TSPAN10: variants seen among roughly 807,000 people sequenced by gnomAD.
TSPAN10 encodes the protein tetraspanin 10, also known as tetraspanin-10.
TSPAN10 carries 11 observed loss-of-function variants against 15.0 expected under a neutral mutation model. The ratio of observed to expected loss-of-function variants is 0.73; its 90% CI spans 0.46 to 1.21. TSPAN10 has a LOEUF of 1.21. Ranked by LOEUF, TSPAN10 falls within the 50% of genes most tolerant of loss-of-function variation. The probability of loss-of-function intolerance (pLI) is 0.00; values close to 1 mark genes in which losing one functional copy is unlikely to be tolerated. For synonymous variants in TSPAN10, 241 were observed against 226.2 expected (o/e 1.07, Z -0.59); for missense variants, 486 against 470.6 (o/e 1.03, Z -0.30).
intron 1 of TSPAN10, 123 bp from the exon 3 acceptor site, chr17:81,644,869 C>T: frequency 1.4e-6 from 2 of 1,390,698 alleles, no homozygotes; most frequent in Non-Finnish European, 9.7e-7. Flanking sequence ...CAGTGCTGCC[C>T]TCCGCCATCC....
chr17:81,645,800 T>C, intron 2 of TSPAN10, 171 bp downstream of exon 3: 1 of 854,338 alleles, frequency 1.2e-6, no homozygotes, highest in Non-Finnish European at 1.9e-6. Context: ...CGTCTCGTGC[T>C]CACAGGTTTC....
intron 2 of TSPAN10, chr17:81,647,459 A>G (rs1451788104): frequency 2.2e-6 from 1 of 463,570 alleles, no homozygotes. Flanking sequence ...ACTGCCAGGT[A>G]CTGCCTCTCA....
At chr17:81,643,002 TA>T (rs1441824507) in intron 1 of TSPAN10, among the ~76,000 whole-genome samples, 1 of 37,246 alleles carries the variant, frequency 2.7e-5, no homozygotes, top group African/African-American at 3.1e-4. Context: ...ATATTATATA[TA>T]TATATATATA....
chr17:81,638,730 G>C (rs1243642255), upstream of TSPAN10: 1 of 152,176 alleles, frequency 6.6e-6, no homozygotes, highest in East Asian at 1.9e-4. Context: ...TCCTGGGTGG[G>C]GGCCACAAGA....
At position 81,642,569 on chromosome 17, in the gene TSPAN10, A is replaced by C. The variant is rs1044940952; in HGVS notation, c.36+121A>C. On this transcript the variant is annotated intron_variant, in intron 1 of 2. Transcript: ENST00000611590. ...GCCCCTGGTGCCACCCCACACCTCA[A>C]TGCTGAGATTGGGTTGAGGGGGGTG... The C allele has an allele frequency of 4.0e-6, 4 of 1,006,002 alleles. No individual in the cohort carries two copies. In the East Asian group the frequency reaches 9.8e-5, roughly 25 times the overall value. 62.3% of individuals were successfully genotyped at this position (1,006,002 alleles called of 1,614,324 possible). A position where few individuals can be genotyped will look rare whatever the true frequency, so the allele number is the denominator to read the frequency against.
downstream of TSPAN10, chr17:81,648,342 C>T: frequency 1.7e-6 from 2 of 1,196,000 alleles, no homozygotes; most frequent in African/African-American, 1.6e-5. Flanking sequence ...ATACAGGGGG[C>T]GCCTCCGCCC....
At chr17:81,641,338 C>T (rs993703375), upstream of TSPAN10, among the ~76,000 whole-genome samples, 4 of 152,016 alleles carry the variant, frequency 2.6e-5, no homozygotes, top group African/African-American at 7.2e-5. Context: ...AGCTCTGGTC[C>T]TCGCCCCGAC....
At chr17:81,637,533 T>G, upstream of TSPAN10, 1 of 611,068 alleles carries the variant, frequency 1.6e-6, no homozygotes, top group Non-Finnish European at 3.0e-6. Flanking sequence ...GCGCGGTGGC[T>G]CATACCTGTA....
At chr17:81,639,364 C>T (rs867352604), upstream of TSPAN10, among the ~76,000 whole-genome samples, 19 of 151,814 alleles carry the variant, frequency 1.3e-4, no homozygotes, top group Middle Eastern at 6.8e-3. Context: ...TGCGCTACCA[C>T]GCCCGGCTAA....
upstream of TSPAN10, among the ~76,000 whole-genome samples, chr17:81,641,205 TG>T (rs1172257280): frequency 6.6e-6 from 1 of 151,632 alleles, no homozygotes; most frequent in Non-Finnish European, 1.5e-5. Context: ...CAGACTGAGT[TG>T]GAGGCCGTGG....
upstream of TSPAN10, chr17:81,638,293 TG>T (rs1241875201): frequency 1.3e-5 from 2 of 150,112 alleles, no homozygotes; most frequent in Admixed American, 6.6e-5. Flanking sequence ...CAGAGTTTTT[TG>T]TTTTTTGTTT....
At chr17:81,642,374 C>T (rs771337272), upstream of TSPAN10, 82 of 1,613,084 alleles carry the variant, frequency 5.1e-5, no homozygotes, top group Non-Finnish European at 6.4e-5. Flanking sequence ...GAACCTCTCC[C>T]GGCGCCTGTG....
intron 2 of TSPAN10, chr17:81,647,621 T>A (rs2036272105): frequency 1.5e-6 from 1 of 654,792 alleles, no homozygotes; most frequent in Non-Finnish European, 2.8e-6. Context: ...CTGTTCCCCC[T>A]TCAACCGTCT....
chr17:81,645,442 C>T (rs1555692035), exon 2 of TSPAN10: 4 of 1,600,694 alleles, frequency 2.5e-6, no homozygotes, highest in Non-Finnish European at 2.6e-6. Flanking sequence ...CTTCCTGGTG[C>T]TTGAGGCCGT....
At chr17:81,645,155 C>G (rs756765767) in exon 2 of TSPAN10, 4 of 1,563,984 alleles carry the variant, frequency 2.6e-6, no homozygotes, top group Non-Finnish European at 3.4e-6. Context: ...GGACCAGCCC[C>G]TTCCCTCTCC....
upstream of TSPAN10, among the ~76,000 whole-genome samples, chr17:81,641,346 G>A (rs933297313): frequency 1.3e-5 from 2 of 151,932 alleles, no homozygotes; most frequent in Non-Finnish European, 2.9e-5. Flanking sequence ...TCCTCGCCCC[G>A]ACTTCCCACC....
At chr17:81,640,193 A>G (rs1193346615), upstream of TSPAN10, among the ~76,000 whole-genome samples, 7 of 152,066 alleles carry the variant, frequency 4.6e-5, no homozygotes, top group Non-Finnish European at 1.0e-4. Flanking sequence ...TATGTTGCCC[A>G]GGCTGGTCTC....
chr17:81,647,974 G>A (rs1410881542), exon 3 of TSPAN10: 1 of 1,611,444 alleles, frequency 6.2e-7, no homozygotes, highest in Non-Finnish European at 8.5e-7. Context: ...CCCCCGCGAA[G>A]ATGGAGCCTC....
exon 3 of TSPAN10, chr17:81,648,239 G>A (rs1416277788): frequency 3.2e-6 from 4 of 1,236,810 alleles, no homozygotes; most frequent in Middle Eastern, 3.1e-4. Context: ...GACCGCGCTG[G>A]CCCCCAGAGC....
Sources: allele counts gnomAD v4.1 joint callset (sites outside exome capture counted in the v4.1 genomes callset), GRCh38; gene constraint gnomAD v4.1.1; transcripts MANE v1.5; gene names NCBI Gene and HGNC (gene_info 2026-07-23, HGNC 2026-07-21).